The following LAMA4 variants were observed in gnomAD, a reference collection of about 807,000 sequenced individuals.
The protein encoded by LAMA4 is laminin subunit alpha-4.
A neutral mutation model predicts 207.1 loss-of-function variants in LAMA4; 127 were observed. The ratio of observed to expected loss-of-function variants is 0.61; its 90% CI spans 0.53 to 0.71. LAMA4 has a LOEUF of 0.71. Among genes scored for constraint, LAMA4 ranks in the 30% least tolerant of loss-of-function variants. The pLI is 0.00. For missense variants in LAMA4, 2,093 were observed against 2,246.5 expected, an observed-to-expected ratio of 0.93 and a Z score of 1.38; for synonymous variants, 761 against 816.0, an observed-to-expected ratio of 0.93 and a Z score of 1.15.
chr6:112,140,652 A>G, intron 22 of LAMA4, 108 bp downstream of exon 22: 3 of 979,970 alleles, frequency 3.1e-6, no homozygotes, highest in Non-Finnish European at 4.8e-6. Context: ...CCCATGAACT[A>G]AGCTCTTAAA....
Position 112,223,781 on chromosome 6 carries a change from T to C in LAMA4, c.196-7312A>G, listed in dbSNP as rs9487856. Among the ~76,000 whole-genome samples the C allele has an allele frequency of 3.7e-3, 567 of 152,354 alleles. 5 individuals carry two copies. Among genetic ancestry groups the C allele is most frequent in the African/African-American group, 0.012 (516 of 41,580 alleles). Reference sequence around the variant, plus strand: ...GACATGTCTTTCCTTCCTTTTGCTCTTCCTCACAGGTTTTTGCATCACTGA... The same window carrying C: ...GACATGTCTTTCCTTCCTTTTGCTCCTCCTCACAGGTTTTTGCATCACTGA... On this transcript the variant is annotated intron_variant, in intron 2 of 38. Coordinates refer to ENST00000230538, the MANE Select transcript of LAMA4 (RefSeq NM_001105206.3).
At position 112,142,309 on chromosome 6, in the gene LAMA4, G is replaced by T. The variant is rs782154335; in HGVS notation, c.2494-17C>A. On this transcript the variant is annotated splice_polypyrimidine_tract_variant and intron_variant, in intron 19 of 38. Coordinates refer to ENST00000230538, the MANE Select transcript of LAMA4 (RefSeq NM_001105206.3). ...GACTTGGATCTGGAGTGACACAACGGTTTCATTAAAAGTGCTTTGCAGAAA... is the reference window on the plus strand; with the variant it reads ...GACTTGGATCTGGAGTGACACAACGTTTTCATTAAAAGTGCTTTGCAGAAA... The T allele has an allele frequency of 6.2e-7, 1 of 1,613,678 alleles. No individual in the cohort carries two copies. The highest frequency in any genetic ancestry group is 8.5e-7 in the Non-Finnish European group (1 of 1,179,656).
intron 3 of LAMA4, among the ~76,000 whole-genome samples, chr6:112,210,204 CTTTTTTT>C: frequency 7.0e-6 from 1 of 142,346 alleles, no homozygotes; most frequent in South Asian, 2.3e-4. Flanking sequence ...TCAGGTACGT[CTTTTTTT>C]TTTTTTTAAT....
intron 9 of LAMA4, among the ~76,000 whole-genome samples, chr6:112,183,502 T>A (rs899069891): frequency 1.7e-4 from 26 of 152,216 alleles, no homozygotes; most frequent in African/African-American, 6.3e-4. Context: ...CTTTCAAGCG[T>A]ACATTATTTC....
intron 2 of LAMA4, among the ~76,000 whole-genome samples, chr6:112,239,748 T>C (rs1464142875): frequency 6.6e-6 from 1 of 152,154 alleles, no homozygotes; most frequent in Admixed American, 6.5e-5. Flanking sequence ...TTAAAGGAGT[T>C]AGCAGCCTAT....
In LAMA4 at chr6:112,111,710, T is replaced by TA. The variant is rs781974053; in HGVS notation, c.5327-2129dup. Among the ~76,000 whole-genome samples, 46 of 152,348 alleles carry TA rather than the reference T, an allele frequency of 3.0e-4. 1 individual carries two copies. Among genetic ancestry groups the TA allele is most frequent in the Middle Eastern group, 6.8e-3 (2 of 292 alleles). On this transcript the variant is annotated intron_variant, in intron 38 of 38. Coordinates refer to ENST00000230538, the MANE Select transcript of LAMA4 (RefSeq NM_001105206.3). ...TGCAGTGGTGCAGTGGGCTGGTGGT[T>TA]ACGCCCTTCTGGCCTGCTAGCTCCT...
rs77558018 is a variant in LAMA4 at position 112,187,918 on chromosome 6, C to T, written c.815-317G>A. On this transcript the variant is annotated intron_variant, in intron 7 of 38. Coordinates refer to ENST00000230538, the MANE Select transcript of LAMA4 (RefSeq NM_001105206.3). ...TCCTGGCAGGATGAACACTTCAGCA[C>T]CGGGAGGTCTGAGGTTATCGCTGCG... 4.2e-3 allele frequency among the ~76,000 whole-genome samples: 646 copies of T among 152,284 alleles called. 4 individuals are homozygous for T. Among genetic ancestry groups the T allele is most frequent in the African/African-American group, 0.015 (615 of 41,546 alleles).
intron 31 of LAMA4, 115 bp from the exon 32 acceptor site, chr6:112,122,316 C>A: frequency 1.2e-6 from 1 of 809,482 alleles, no homozygotes; most frequent in South Asian, 1.6e-5. Context: ...GTGCATTTTC[C>A]ATTCATGGAA....
At chr6:112,114,231 CTGG>C (rs782356025) in intron 37 of LAMA4, 36 bp from the exon 38 acceptor site, 3 of 1,601,520 alleles carry the variant, frequency 1.9e-6, no homozygotes, top group Non-Finnish European at 1.7e-6. Flanking sequence ...ATAAGTGGCA[CTGG>C]AGTGATGAAT....
At chr6:112,114,931 G>A (rs912635182) in intron 36 of LAMA4, among the ~76,000 whole-genome samples, 175 bp from the exon 37 acceptor site, 1 of 152,158 alleles carries the variant, frequency 6.6e-6, no homozygotes, top group Non-Finnish European at 1.5e-5. Flanking sequence ...TCAACTGGGG[G>A]TGCTCTTTGG....
intron 12 of LAMA4, 23 bp from the exon 13 acceptor site, chr6:112,165,299 A>G (rs1554339639): frequency 1.4e-6 from 2 of 1,449,810 alleles, no homozygotes; most frequent in South Asian, 1.1e-5. Context: ...AGAGTAAGGG[A>G]GAGTGAAGTG....
chr6:112,140,697 A>C (rs1779637731), intron 22 of LAMA4, 63 bp downstream of exon 22: 2 of 1,493,776 alleles, frequency 1.3e-6, no homozygotes. Context: ...TTATAGGTTT[A>C]TGGATTTATA....
intron 2 of LAMA4, among the ~76,000 whole-genome samples, chr6:112,223,912 G>A (rs1785055716): frequency 6.6e-6 from 1 of 152,188 alleles, no homozygotes; most frequent in Non-Finnish European, 1.5e-5. Context: ...AAAACACAGA[G>A]GCTATTGGGT....
chr6:112,200,849 A>T (rs998063971), intron 5 of LAMA4, among the ~76,000 whole-genome samples: 1 of 151,642 alleles, frequency 6.6e-6, no homozygotes, highest in Non-Finnish European at 1.5e-5. Flanking sequence ...ACATGGGCAC[A>T]GGGAGGGGAA....
At chr6:112,178,570 C>T (rs1554344559) in intron 9 of LAMA4, 5 of 309,318 alleles carry the variant, frequency 1.6e-5, no homozygotes, top group African/African-American at 8.8e-5. Flanking sequence ...TTTTATCCCT[C>T]CCCACTCCAC....
Position 112,113,588 on chromosome 6 carries a change from CCT to C in LAMA4, c.5326+486_5326+487del, listed in dbSNP as rs587761701. Among the ~76,000 whole-genome samples, 576 of 152,288 alleles carry C rather than the reference CCT, an allele frequency of 3.8e-3. 2 individuals are homozygous for C. The highest frequency in any genetic ancestry group is 0.01 in the Middle Eastern group (3 of 294). ...ATGTTTACAGAATTGCAGCTGGGAA[CCT>C]CTCTGAGGGAATGTCACTACCAATG... On this transcript the variant is annotated intron_variant, in intron 38 of 38. Transcript: ENST00000230538.
At chr6:112,216,657 T>C (rs1784643549) in intron 2 of LAMA4, 188 bp from the exon 3 acceptor site, 2 of 598,812 alleles carry the variant, frequency 3.3e-6, no homozygotes, top group African/African-American at 1.9e-5. Context: ...AGATGATGTA[T>C]ATATAATCTT....
In LAMA4 at chr6:112,117,716, AT is replaced by A; in HGVS notation, c.4981+22del. On this transcript the variant is annotated intron_variant, in intron 35 of 38. Transcript: ENST00000230538. The surrounding 1 kb of genome is among the most constrained non-coding windows in gnomAD (Gnocchi z 4.5). Reference sequence around the variant, plus strand: ...CAGGAAGAAGCATTTCATGACTCATATTTTTAACATGACTAATGTTACCTAG... The same window carrying A: ...CAGGAAGAAGCATTTCATGACTCATATTTTAACATGACTAATGTTACCTAG... 6.2e-7 allele frequency: 1 copy of A among 1,607,916 alleles called. No individual in the cohort carries two copies. The highest frequency in any genetic ancestry group is 8.5e-7 in the Non-Finnish European group (1 of 1,175,144).
At chr6:112,235,405 T>A (rs1785847797) in intron 2 of LAMA4, among the ~76,000 whole-genome samples, 1 of 152,218 alleles carries the variant, frequency 6.6e-6, no homozygotes, top group Admixed American at 6.5e-5. Flanking sequence ...ATGGAGCTGC[T>A]GAAACTCAGA....
Sources: gnomAD v4.1 joint callset for allele counts (sites outside exome capture counted in the v4.1 genomes callset) on GRCh38, gnomAD v4.1.1 for gene constraint, Gnocchi (gnomAD v3.1) non-coding constraint, MANE v1.5 for transcripts, NCBI Gene and HGNC (gene_info 2026-07-23, HGNC 2026-07-21) for gene names.